The following GSG1 variants were observed in gnomAD, a reference collection of about 807,000 sequenced individuals.
The protein encoded by GSG1 is germ cell associated 1.
Under a neutral mutation model 30.8 loss-of-function variants are expected in GSG1, and 28 were observed. The observed-to-expected ratio is 0.91, with a 90% CI of 0.67 to 1.25. The LOEUF (loss-of-function observed/expected upper bound fraction) is 1.25, where lower values mean the gene tolerates loss of function less well. Among genes scored for constraint, GSG1 ranks in the 50% most tolerant of loss-of-function variants. GSG1 has a pLI of 0.00. For synonymous variants in GSG1, 162 were observed against 178.0 expected, an observed-to-expected ratio of 0.91 and a Z score of 0.71; for missense variants, 435 against 444.7, an observed-to-expected ratio of 0.98 and a Z score of 0.20.
At chr12:13,088,117 G>A (rs1245230924) in intron 4 of GSG1, 58 bp from the exon 5 acceptor site, 2 of 1,598,432 alleles carry the variant, frequency 1.3e-6, no homozygotes, top group Non-Finnish European at 8.6e-7. Flanking sequence ...AACTGAATAA[G>A]CGGTGAGCAT....
intron 1 of GSG1, among the ~76,000 whole-genome samples, chr12:13,098,034 CAT>C (rs1458625830): frequency 6.6e-6 from 1 of 152,202 alleles, no homozygotes; most frequent in Non-Finnish European, 1.5e-5. Context: ...ATTTGATAAA[CAT>C]GTGCCATGTG....
intron 1 of GSG1, among the ~76,000 whole-genome samples, chr12:13,091,301 C>A (rs1866113987): frequency 6.6e-6 from 1 of 152,202 alleles, no homozygotes; most frequent in Non-Finnish European, 1.5e-5. Context: ...TCATAAGACT[C>A]CCATTCCAGA....
At chr12:13,098,787 C>A (rs1032199249) in intron 1 of GSG1, among the ~76,000 whole-genome samples, 2 of 152,002 alleles carry the variant, frequency 1.3e-5, no homozygotes, top group East Asian at 1.9e-4. Context: ...TAAACTGCAC[C>A]CCCTGTGCCT....
Position 13,103,645 on chromosome 12 carries a change from T to C in GSG1, c.-133A>G. On this transcript the variant is annotated 5_prime_UTR_variant, in exon 1 of 7. Transcript: ENST00000651961. ...GCCAGCAGAGGGGTAAGGTGGTGTG[T>C]GGTGGATTGGAGAGGATGTCCTGAG... The C allele has an allele frequency of 1.0e-6, 1 of 955,844 alleles. No individual in the cohort carries two copies. The highest frequency in any genetic ancestry group is 2.5e-5 in the East Asian group (1 of 40,722). 59.2% of individuals were successfully genotyped at this position (955,844 alleles called of 1,614,324 possible). A position where few individuals can be genotyped will look rare whatever the true frequency, so the allele number is the denominator to read the frequency against.
chr12:13,085,084 C>T lies in GSG1; in HGVS notation c.906G>A (p.Leu302=), dbSNP rs1865386558. 6.2e-7 allele frequency: 1 copy of T among 1,612,830 alleles called. No homozygotes were observed. Among genetic ancestry groups the T allele is most frequent in the Non-Finnish European group, 8.5e-7 (1 of 1,179,376 alleles). The change falls in exon 7 of 7, where the codon CTG becomes CTA. Residue 302 remains leucine (L), a synonymous_variant. Transcript: ENST00000651961. ...GACCCACGGTGGGGGCTGCACTTGACAGCCGCCGAGGGAAACACTGATGGT... is the reference window on the plus strand; with the variant it reads ...GACCCACGGTGGGGGCTGCACTTGATAGCCGCCGAGGGAAACACTGATGGT... ...PHHHQCFPRR[L]SSAAPTVGPL... is the part of the protein sequence containing the mutation.
chr12:13,095,900 C>A (rs1448188257), intron 1 of GSG1: 2 of 871,178 alleles, frequency 2.3e-6, no homozygotes, highest in Non-Finnish European at 3.3e-6. Flanking sequence ...CAAGGACCTG[C>A]AATTTGCAGA....
intron 1 of GSG1, among the ~76,000 whole-genome samples, chr12:13,096,657 G>T (rs1866690032): frequency 6.6e-6 from 1 of 151,974 alleles, no homozygotes. Context: ...TTCAGGCAAA[G>T]GAATGACAAT....
At chr12:13,098,141 GT>G (rs1174478366) in intron 1 of GSG1, among the ~76,000 whole-genome samples, 164 of 140,882 alleles carry the variant, frequency 1.2e-3, no homozygotes, top group Non-Finnish European at 1.1e-3. Flanking sequence ...TGTGTTCTTT[GT>G]TTTTTTTTTT....
chr12:13,089,460 C>A, intron 2 of GSG1, 184 bp from the exon 3 acceptor site: 1 of 903,964 alleles, frequency 1.1e-6, no homozygotes, highest in Non-Finnish European at 1.6e-6. Context: ...TGCTCTTGGG[C>A]AGGGAAGAGG....
At chr12:13,095,734 C>T in intron 1 of GSG1, 1 of 1,559,150 alleles carries the variant, frequency 6.4e-7, no homozygotes, top group Non-Finnish European at 8.7e-7. Flanking sequence ...TACCCCTCCC[C>T]TTCTATCTCA....
intron 4 of GSG1, 160 bp downstream of exon 4, chr12:13,088,702 A>G (rs371901872): frequency 8.2e-6 from 13 of 1,587,938 alleles, no homozygotes; most frequent in Non-Finnish European, 1.1e-5. Flanking sequence ...GCCCAAGTCA[A>G]TGGTAACTAC....
chr12:13,100,704 G>A (rs1248704566), intron 1 of GSG1, among the ~76,000 whole-genome samples: 1 of 152,150 alleles, frequency 6.6e-6, no homozygotes, highest in African/African-American at 2.4e-5. Context: ...CTTCACACGG[G>A]ACATTTTCAC....
Position 13,084,425 on chromosome 12 carries a change from G to A in GSG1, c.*476C>T, listed in dbSNP as rs553438049. 6.3e-6 allele frequency: 1 copy of A among 159,444 alleles called. No homozygotes were observed. Among genetic ancestry groups the A allele is most frequent in the East Asian group, 1.8e-4 (1 of 5,586 alleles). 9.9% of individuals were successfully genotyped at this position (159,444 alleles called of 1,614,324 possible). ...CCCAGGCAGTGTGGAGGACTTCTGT[G>A]CTATATGACAAAGCACTCAGGGGCG... On this transcript the variant is annotated 3_prime_UTR_variant, in exon 7 of 7. Transcript: ENST00000651961.
intron 2 of GSG1, among the ~76,000 whole-genome samples, 153 bp downstream of exon 2, chr12:13,090,350 C>A (rs1865959348): frequency 6.6e-6 from 1 of 152,218 alleles, no homozygotes; most frequent in African/African-American, 2.4e-5. Context: ...AGGTTCTGTG[C>A]TGGGAGAAGG....
chr12:13,098,852 T>C (rs1379074423), intron 1 of GSG1, among the ~76,000 whole-genome samples: 1 of 152,142 alleles, frequency 6.6e-6, no homozygotes, highest in African/African-American at 2.4e-5. Context: ...TGGCAGACTC[T>C]TAAGTGTGTT....
rs1866292223 is a variant in GSG1, at chr12:13,092,907, T to A, written c.49-2089A>T. 3.3e-5 allele frequency among the ~76,000 whole-genome samples: 5 copies of A among 151,940 alleles called. No homozygotes were observed. In the South Asian group the frequency reaches 1.0e-3, roughly 32 times the overall value. ...CCCGGGTTCAAGAGATTCTCCTGCCTCAGCCTCCCGAGTAGCTGGGATTAC... is the reference window on the plus strand; with the variant it reads ...CCCGGGTTCAAGAGATTCTCCTGCCACAGCCTCCCGAGTAGCTGGGATTAC... On this transcript the variant is annotated intron_variant, in intron 1 of 6. Transcript: ENST00000651961.
At chr12:13,089,451 G>T in intron 2 of GSG1, 175 bp from the exon 3 acceptor site, 1 of 1,010,862 alleles carries the variant, frequency 9.9e-7, no homozygotes. Flanking sequence ...ACCTTTCAGT[G>T]CTCTTGGGCA....
intron 1 of GSG1, among the ~76,000 whole-genome samples, chr12:13,099,765 T>TTTTG (rs1565551481): frequency 2.1e-3 from 315 of 149,558 alleles, no homozygotes; most frequent in African/African-American, 7.3e-3. Flanking sequence ...TTTTTTTTTT[T>TTTTG]TTTGTTTTTT....
intron 6 of GSG1, 38 bp from the exon 7 acceptor site, chr12:13,085,281 T>C (rs766153338): frequency 7.8e-6 from 12 of 1,539,528 alleles, no homozygotes; most frequent in African/African-American, 5.5e-5. Flanking sequence ...ACAGTAAGAA[T>C]AGGACTTTCT....
Sources: gnomAD v4.1 joint callset for allele counts (sites outside exome capture counted in the v4.1 genomes callset) on GRCh38, gnomAD v4.1.1 for gene constraint, MANE v1.5 for transcripts, NCBI Gene and HGNC (gene_info 2026-07-23, HGNC 2026-07-21) for gene names.